The following HDAC9 variants were observed in gnomAD, a reference collection of about 807,000 sequenced individuals.
HDAC9 encodes the protein histone deacetylase 9, also known as MEF-2 interacting transcription repressor (MITR) protein.
HDAC9 carries 41 observed loss-of-function variants against 139.4 expected under a neutral mutation model. That is an observed-to-expected ratio of 0.29 (90% confidence interval 0.23 to 0.38). HDAC9 has a LOEUF of 0.38. Ranked by LOEUF, HDAC9 falls within the 10% of genes least tolerant of loss-of-function variation. The pLI is 1.00. For synonymous variants in HDAC9, 517 were observed against 476.2 expected (o/e 1.09, Z -1.12); for missense variants, 1,147 against 1,297.0 (o/e 0.88, Z 1.78).
intron 1 of HDAC9, among the ~76,000 whole-genome samples, chr7:18,124,681 T>C (rs776055580): frequency 2.0e-5 from 3 of 152,078 alleles, no homozygotes; most frequent in Admixed American, 6.5e-5. Context: ...TCACTTTATT[T>C]ATTTATGTAT....
In HDAC9 at chr7:18,648,717, C is replaced by T. The variant is rs191582935; in HGVS notation, c.1467+34C>T. The T allele has an allele frequency of 8.5e-4, 1,332 of 1,567,442 alleles. 18 individuals are homozygous for T. The Admixed American group carries it at 0.019, about 22-fold the overall frequency. ...CCAAGCCAAGTCAAAATGTTCTAAC[C>T]GCCAGTTTGGAAATTGGGTATCTCT... On this transcript the variant is annotated intron_variant, in intron 11 of 25. Transcript: ENST00000686413.
chr7:18,327,320 G>C (rs148572449), intron 1 of HDAC9: 11 of 151,886 alleles, frequency 7.2e-5, no homozygotes, highest in African/African-American at 2.2e-4. Context: ...TTACATATCA[G>C]AACCTAGATA....
At chr7:18,870,858 G>A (rs1260941545) in intron 21 of HDAC9, among the ~76,000 whole-genome samples, 2 of 151,996 alleles carry the variant, frequency 1.3e-5, no homozygotes, top group African/African-American at 4.8e-5. Flanking sequence ...TGGAGAGATG[G>A]GGTCTCTCTG....
chr7:18,254,152 A>G (rs1226079140), intron 2 of HDAC9, among the ~76,000 whole-genome samples: 2 of 152,394 alleles, frequency 1.3e-5, no homozygotes, highest in Middle Eastern at 6.8e-3. Flanking sequence ...GAAGGAAGGC[A>G]TATCAAATAA....
At chr7:18,181,172 G>A (rs1789401027) in intron 2 of HDAC9, among the ~76,000 whole-genome samples, 1 of 152,118 alleles carries the variant, frequency 6.6e-6, no homozygotes, top group Non-Finnish European at 1.5e-5. Context: ...CTTTTGGGAG[G>A]TTGTTATTCA....
chr7:18,205,028 C>T (rs1021877309), intron 2 of HDAC9, among the ~76,000 whole-genome samples: 7 of 151,748 alleles, frequency 4.6e-5, no homozygotes, highest in Non-Finnish European at 5.9e-5. Context: ...TATAAACCCA[C>T]GGATACATAT....
At position 18,821,698 on chromosome 7, in the gene HDAC9, ACT is replaced by A. The variant is rs962368830; in HGVS notation, c.2323-7458_2323-7457del. Among the ~76,000 whole-genome samples, 11 of 152,194 alleles carry A rather than the reference ACT, an allele frequency of 7.2e-5. 1 individual carries two copies. Among genetic ancestry groups the A allele is most frequent in the African/African-American group, 2.6e-4 (11 of 41,528 alleles). On this transcript the variant is annotated intron_variant, in intron 17 of 25. Transcript: ENST00000686413. Reference sequence around the variant, plus strand: ...TCCTACAGTTTAACTCAATTCTGACACTCTCTACCTGCAGATAGAATCAGATC... The same window carrying A: ...TCCTACAGTTTAACTCAATTCTGACACTCTACCTGCAGATAGAATCAGATC...
intron 13 of HDAC9, among the ~76,000 whole-genome samples, chr7:18,736,481 TATTGAGATA>T (rs577439083): frequency 4.7e-4 from 71 of 152,380 alleles, no homozygotes; most frequent in Non-Finnish European, 8.7e-4. Context: ...TTTCTGCATC[TATTGAGATA>T]ATGATGTGGT....
At chr7:18,701,231 C>T (rs1214524209) in intron 12 of HDAC9, among the ~76,000 whole-genome samples, 2 of 151,424 alleles carry the variant, frequency 1.3e-5, no homozygotes, top group Non-Finnish European at 2.9e-5. Flanking sequence ...AACAACTCTC[C>T]GAGATAAGTG....
chr7:18,150,232 A>AT (rs201638806), intron 1 of HDAC9, among the ~76,000 whole-genome samples: 2,523 of 148,710 alleles, frequency 0.017, 27 homozygotes, highest in Middle Eastern at 0.028. Flanking sequence ...ATATGTTTCT[A>AT]TTTTTTTTTT....
intron 1 of HDAC9, among the ~76,000 whole-genome samples, chr7:18,307,838 T>G (rs1405400236): frequency 6.6e-6 from 1 of 152,174 alleles, no homozygotes; most frequent in African/African-American, 2.4e-5. Context: ...AAAAAAATCG[T>G]AATTATTATT....
intron 1 of HDAC9, among the ~76,000 whole-genome samples, chr7:18,298,647 T>G (rs775789157): frequency 3.9e-5 from 6 of 152,194 alleles, no homozygotes; most frequent in Non-Finnish European, 7.3e-5. Context: ...TTTTCAAAAG[T>G]TTTTACTTTC....
At chr7:18,856,177 G>C (rs1382409998) in intron 21 of HDAC9, among the ~76,000 whole-genome samples, 1 of 152,048 alleles carries the variant, frequency 6.6e-6, no homozygotes, top group African/African-American at 2.4e-5. Flanking sequence ...CGGCATCATA[G>C]GTTCACGCTA....
chr7:18,943,715 C>G (rs1163651327), intron 23 of HDAC9, among the ~76,000 whole-genome samples: 2 of 152,068 alleles, frequency 1.3e-5, no homozygotes, highest in Non-Finnish European at 2.9e-5. Flanking sequence ...TTACCTTATT[C>G]AAGGAATTCC....
chr7:18,707,009 A>G (rs1274426273), intron 12 of HDAC9, among the ~76,000 whole-genome samples: 1 of 152,192 alleles, frequency 6.6e-6, no homozygotes, highest in East Asian at 1.9e-4. Flanking sequence ...AGAGGAGTGA[A>G]CAATGAGGCA....
intron 11 of HDAC9, among the ~76,000 whole-genome samples, chr7:18,651,081 T>C (rs897637180): frequency 6.6e-6 from 1 of 152,194 alleles, no homozygotes; most frequent in African/African-American, 2.4e-5. Context: ...GAGTGGCTAC[T>C]GTTCACCTGC....
intron 2 of HDAC9, among the ~76,000 whole-genome samples, chr7:18,522,361 A>G (rs1437078861): frequency 6.6e-6 from 1 of 152,182 alleles, no homozygotes; most frequent in East Asian, 1.9e-4. Flanking sequence ...GGAGAGGACT[A>G]AAGCTCCGTG....
intron 1 of HDAC9, among the ~76,000 whole-genome samples, chr7:18,471,176 A>G (rs992574172): frequency 6.6e-6 from 1 of 152,128 alleles, no homozygotes; most frequent in Non-Finnish European, 1.5e-5. Flanking sequence ...CTTTATTGCT[A>G]TATTTCTAGC....
At chr7:18,451,368 C>CGTGTGTGTGT (rs71553928) in intron 1 of HDAC9, among the ~76,000 whole-genome samples, 3,244 of 138,820 alleles carry the variant, frequency 0.023, 52 homozygotes, top group Non-Finnish European at 0.034. Context: ...TGTATATGTG[C>CGTGTGTGTGT]GTGTGTGTGT....
Sources: gnomAD v4.1 joint callset for allele counts (sites outside exome capture counted in the v4.1 genomes callset) on GRCh38, gnomAD v4.1.1 for gene constraint, MANE v1.5 for transcripts, NCBI Gene and HGNC (gene_info 2026-07-23, HGNC 2026-07-21) for gene names.